EPB41L4B: variants seen among roughly 807,000 people sequenced by gnomAD.
EPB41L4B encodes erythrocyte membrane protein band 4.1 like 4B.
In EPB41L4B, 30 loss-of-function variants were observed where a neutral mutation model predicts 112.5. The observed-to-expected ratio is 0.27, with a 90% CI of 0.20 to 0.36. The LOEUF is 0.36. Among genes scored for constraint, EPB41L4B ranks in the 10% least tolerant of loss-of-function variants. The probability of loss-of-function intolerance (pLI) is 1.00; values close to 1 mark genes in which losing one functional copy is unlikely to be tolerated. For missense variants in EPB41L4B, 1,024 were observed against 1,133.3 expected (o/e 0.90, Z 1.38); for synonymous variants, 408 against 439.7 (o/e 0.93, Z 0.90).
intron 2 of EPB41L4B, among the ~76,000 whole-genome samples, chr9:109,269,979 C>T (rs1285888993): frequency 6.6e-6 from 1 of 152,272 alleles, no homozygotes; most frequent in Admixed American, 6.5e-5. Context: ...CATGGGAGAA[C>T]GTGGGTTGTG....
chr9:109,282,553 C>T (rs527939573), intron 1 of EPB41L4B, among the ~76,000 whole-genome samples: 1 of 152,218 alleles, frequency 6.6e-6, no homozygotes, highest in South Asian at 2.1e-4. Flanking sequence ...ACATCAGTGG[C>T]TACTAACATC....
chr9:109,213,581 T>C (rs1016466617), intron 17 of EPB41L4B, 119 bp downstream of exon 17: 1 of 745,372 alleles, frequency 1.3e-6, no homozygotes, highest in Non-Finnish European at 2.3e-6. Flanking sequence ...TCAGGAAAGA[T>C]GGAATAGAGA....
intron 15 of EPB41L4B, among the ~76,000 whole-genome samples, chr9:109,224,963 G>A (rs1833709379): frequency 6.6e-6 from 1 of 152,214 alleles, no homozygotes; most frequent in Admixed American, 6.5e-5. Context: ...CTCAAGTGCT[G>A]CCCATCTGCT....
intron 1 of EPB41L4B, among the ~76,000 whole-genome samples, chr9:109,282,453 T>C (rs1836103136): frequency 6.6e-6 from 1 of 152,188 alleles, no homozygotes; most frequent in Non-Finnish European, 1.5e-5. Flanking sequence ...TTTTCTTTAT[T>C]GAAGTATTTC....
At chr9:109,278,895 A>G (rs1835933619) in intron 2 of EPB41L4B, among the ~76,000 whole-genome samples, 1 of 152,210 alleles carries the variant, frequency 6.6e-6, no homozygotes, top group African/African-American at 2.4e-5. Flanking sequence ...TTTTAAAAAG[A>G]GTGGGTCTGA....
intron 15 of EPB41L4B, among the ~76,000 whole-genome samples, chr9:109,220,852 C>T (rs1484003888): frequency 1.3e-5 from 2 of 152,236 alleles, no homozygotes; most frequent in East Asian, 1.9e-4. Flanking sequence ...AACACCATCC[C>T]TCCTCGCCTC....
At chr9:109,202,185 G>C (rs1349921046) in intron 19 of EPB41L4B, among the ~76,000 whole-genome samples, 1 of 152,178 alleles carries the variant, frequency 6.6e-6, no homozygotes, top group African/African-American at 2.4e-5. Context: ...TGGAATCCAG[G>C]TGAAGGTTAG....
intron 1 of EPB41L4B, among the ~76,000 whole-genome samples, chr9:109,281,052 T>C (rs748640195): frequency 2.0e-5 from 3 of 151,134 alleles, no homozygotes; most frequent in Non-Finnish European, 4.4e-5. Context: ...AGTTGGACAA[T>C]GATTTCTTAG....
chr9:109,196,430 C>T (rs964051589), intron 20 of EPB41L4B: 3 of 152,134 alleles, frequency 2.0e-5, no homozygotes, highest in Admixed American at 1.3e-4. Flanking sequence ...TAAAAAATGA[C>T]ACTTTTGGCT....
intron 9 of EPB41L4B, 113 bp from the exon 10 acceptor site, chr9:109,255,956 T>C (rs1408010514): frequency 8.0e-7 from 1 of 1,246,470 alleles, no homozygotes; most frequent in Non-Finnish European, 1.1e-6. Context: ...AATAAAAACA[T>C]TCATCCAAGT....
intron 1 of EPB41L4B, among the ~76,000 whole-genome samples, chr9:109,295,488 C>T (rs1004984476): frequency 3.9e-5 from 6 of 152,160 alleles, no homozygotes; most frequent in African/African-American, 1.4e-4. Flanking sequence ...CTCAGTATTA[C>T]AGGCACAAGA....
At chr9:109,304,445 G>T (rs1002998335) in intron 1 of EPB41L4B, among the ~76,000 whole-genome samples, 1 of 152,198 alleles carries the variant, frequency 6.6e-6, no homozygotes, top group African/African-American at 2.4e-5. Context: ...GTCCCGAGGG[G>T]CACCTCTAAT....
At position 109,188,004 on chromosome 9, in the gene EPB41L4B, C is replaced by A. The variant is rs150048373; in HGVS notation, c.2302-2399G>T. ...GGAATCAAAGGCTATTTTGGAATAC[C>A]ACTTAATTTTTTTCTCCTAGTATTT... On this transcript the variant is annotated intron_variant, in intron 22 of 25. Transcript: ENST00000374566. Among the ~76,000 whole-genome samples, 656 of 152,292 alleles carry A rather than the reference C, an allele frequency of 4.3e-3. 5 individuals are homozygous for A. The highest frequency in any genetic ancestry group is 0.015 in the African/African-American group (627 of 41,544).
chr9:109,265,144 A>G, intron 4 of EPB41L4B, 120 bp from the exon 5 acceptor site: 1 of 768,778 alleles, frequency 1.3e-6, no homozygotes. Context: ...GTAAAAAAGG[A>G]GTCCAAATCA....
intron 15 of EPB41L4B, among the ~76,000 whole-genome samples, chr9:109,218,949 A>G (rs538118009): frequency 6.6e-6 from 1 of 152,320 alleles, no homozygotes; most frequent in South Asian, 2.1e-4. Context: ...TCTGTGATTC[A>G]GTCACTTACA....
intron 2 of EPB41L4B, among the ~76,000 whole-genome samples, chr9:109,275,171 G>C (rs911639194): frequency 1.3e-5 from 2 of 152,216 alleles, no homozygotes; most frequent in African/African-American, 4.8e-5. Flanking sequence ...GGGCTGGGCA[G>C]GGCACTATGG....
intron 15 of EPB41L4B, among the ~76,000 whole-genome samples, chr9:109,230,417 C>A (rs1162632411): frequency 2.0e-5 from 3 of 152,196 alleles, no homozygotes; most frequent in Non-Finnish European, 4.4e-5. Context: ...CCTTAGGTAA[C>A]TCACTTATCT....
At chr9:109,216,660 AAAG>A (rs200296512) in intron 16 of EPB41L4B, among the ~76,000 whole-genome samples, 5,706 of 150,394 alleles carry the variant, frequency 0.038, 130 homozygotes, top group East Asian at 0.098. Flanking sequence ...AAAAAAAAAA[AAAG>A]AAAAGAAAAA....
chr9:109,253,580 T>C (rs1473941336), intron 11 of EPB41L4B, 30 bp from the exon 12 acceptor site: 3 of 1,396,048 alleles, frequency 2.1e-6, no homozygotes, highest in Non-Finnish European at 3.1e-6. Flanking sequence ...TCGTGTGTTA[T>C]CAATATCAGA....
Sources: allele counts gnomAD v4.1 joint callset (sites outside exome capture counted in the v4.1 genomes callset), GRCh38; gene constraint gnomAD v4.1.1; transcripts MANE v1.5; gene names NCBI Gene and HGNC (gene_info 2026-07-23, HGNC 2026-07-21).